Variants in ASCC1 observed in about 807,000 individuals in gnomAD.
ASCC1 encodes the protein ASC-1 complex subunit P50.
Under a neutral mutation model 46.6 loss-of-function variants are expected in ASCC1, and 35 were observed. The ratio of observed to expected loss-of-function variants is 0.75; its 90% CI spans 0.57 to 0.99. ASCC1 has a LOEUF of 0.99. ASCC1 is among the 50% of genes least tolerant of loss of function. The probability of loss-of-function intolerance (pLI) is 0.00; values close to 1 mark genes in which losing one functional copy is unlikely to be tolerated. For synonymous variants in ASCC1, 143 were observed against 146.6 expected, an observed-to-expected ratio of 0.98 and a Z score of 0.18; for missense variants, 376 against 428.7, an observed-to-expected ratio of 0.88 and a Z score of 1.09.
intron 9 of ASCC1, among the ~76,000 whole-genome samples, chr10:72,122,158 C>A (rs190192932): frequency 5.3e-5 from 8 of 152,260 alleles, no homozygotes; most frequent in African/African-American, 1.7e-4. Flanking sequence ...CAGCGGCTCA[C>A]GCCTGTAATC....
At chr10:72,179,556 C>T (rs942846429) in intron 5 of ASCC1, among the ~76,000 whole-genome samples, 1 of 152,188 alleles carries the variant, frequency 6.6e-6, no homozygotes, top group Non-Finnish European at 1.5e-5. Flanking sequence ...CTAGATCCTA[C>T]GCAACTTCGT....
chr10:72,141,313 T>C (rs570618778), intron 7 of ASCC1, among the ~76,000 whole-genome samples: 2 of 152,282 alleles, frequency 1.3e-5, no homozygotes, highest in South Asian at 2.1e-4. Context: ...CAGTGAATAC[T>C]TTCCCAAGAT....
intron 5 of ASCC1, chr10:72,190,528 G>C (rs1348984394): frequency 3.2e-6 from 5 of 1,560,542 alleles, no homozygotes; most frequent in Non-Finnish European, 4.4e-6. Flanking sequence ...GTTCTCGCAG[G>C]GCAGCTTGGA....
At chr10:72,179,502 C>T (rs1025931532) in intron 5 of ASCC1, among the ~76,000 whole-genome samples, 4 of 152,104 alleles carry the variant, frequency 2.6e-5, no homozygotes, top group Non-Finnish European at 4.4e-5. Flanking sequence ...CCTCAGTGAC[C>T]CCTAGGACTG....
intron 5 of ASCC1, among the ~76,000 whole-genome samples, chr10:72,182,801 C>A (rs1253253524): frequency 1.5e-5 from 2 of 130,602 alleles, no homozygotes; most frequent in African/African-American, 3.1e-5. Flanking sequence ...CATAGCAACA[C>A]CCTGTCTCTA....
Position 72,133,192 on chromosome 10 carries a change from T to C in ASCC1, c.747-11A>G. 1 of 1,613,874 alleles carries C rather than the reference T, an allele frequency of 6.2e-7. No homozygotes were observed. Among genetic ancestry groups the C allele is most frequent in the Non-Finnish European group, 8.5e-7 (1 of 1,179,820 alleles). ...ACTAATTCTTGTAGCCTGGAGAAATTGGAGAAAAGTAATGCAGAAATCTTA... is the reference window on the plus strand; with the variant it reads ...ACTAATTCTTGTAGCCTGGAGAAATCGGAGAAAAGTAATGCAGAAATCTTA... On this transcript the variant is annotated splice_polypyrimidine_tract_variant and intron_variant, in intron 7 of 9. Coordinates refer to ENST00000672957, the MANE Select transcript of ASCC1 (RefSeq NM_001198800.3).
At position 72,096,034 on chromosome 10, in the gene ASCC1, C is replaced by A. The variant is rs761578202; in HGVS notation, c.*1300G>T. On this transcript the variant is annotated 3_prime_UTR_variant, in exon 10 of 10. Transcript: ENST00000672957. The stretch of plus-strand genomic sequence containing the variant: ...CTATGTGATCATACTAACAGAAACA[C>A]CGTTAAACATTTTATTCACAAGTGA... 2.3e-6 allele frequency: 1 copy of A among 434,722 alleles called. No individual in the cohort carries two copies. The highest frequency in any genetic ancestry group is 4.6e-6 in the Non-Finnish European group (1 of 215,236). 26.9% of individuals were successfully genotyped at this position (434,722 alleles called of 1,614,324 possible). A position where few individuals can be genotyped will look rare whatever the true frequency, so the allele number is the denominator to read the frequency against.
chr10:72,154,699 C>T lies in ASCC1; in HGVS notation c.627-1711G>A, dbSNP rs557544748. Among the ~76,000 whole-genome samples the T allele has an allele frequency of 1.2e-4, 18 of 152,128 alleles. No individual in the cohort carries two copies. In the South Asian group the frequency reaches 3.7e-3, roughly 32 times the overall value. ...TAGAGACTAGGTTTTGCCATGTTGC[C>T]CAGGCTGGTCTTGAACTCCTGGGCT... On this transcript the variant is annotated intron_variant, in intron 6 of 9. Coordinates refer to ENST00000672957, the MANE Select transcript of ASCC1 (RefSeq NM_001198800.3).
chr10:72,211,383 T>C (rs1463121678), intron 2 of ASCC1, among the ~76,000 whole-genome samples: 1 of 152,020 alleles, frequency 6.6e-6, no homozygotes, highest in Non-Finnish European at 1.5e-5. Flanking sequence ...ATTGAAAATA[T>C]TTGAAAAAAA....
At chr10:72,175,176 A>C (rs1465357973) in intron 5 of ASCC1, among the ~76,000 whole-genome samples, 1 of 152,250 alleles carries the variant, frequency 6.6e-6, no homozygotes, top group Admixed American at 6.5e-5. Context: ...ACCTATCAGC[A>C]GCATGACCCT....
rs142587328 is a variant in ASCC1 at position 72,180,581 on chromosome 10, G to A, written c.489+16230C>T. 1.0e-3 allele frequency among the ~76,000 whole-genome samples: 155 copies of A among 152,158 alleles called. 3 individuals are homozygous for A. Among genetic ancestry groups the A allele is most frequent in the African/African-American group, 3.1e-3 (129 of 41,500 alleles). On this transcript the variant is annotated intron_variant, in intron 5 of 9. Coordinates refer to ENST00000672957, the MANE Select transcript of ASCC1 (RefSeq NM_001198800.3). The stretch of plus-strand genomic sequence containing the variant: ...GCGGAGGTTGCAGTGAGCCAAGATC[G>A]CACCACTGCATTCCAGCCTGAGCAA...
Position 72,181,572 on chromosome 10 carries a change from C to CT in ASCC1, c.489+15238dup, listed in dbSNP as rs993534457. 8.0e-5 allele frequency among the ~76,000 whole-genome samples: 12 copies of CT among 149,086 alleles called. No individual in the cohort carries two copies. The East Asian group carries it at 1.6e-3, about 20-fold the overall frequency. On this transcript the variant is annotated intron_variant, in intron 5 of 9. Coordinates refer to ENST00000672957, the MANE Select transcript of ASCC1 (RefSeq NM_001198800.3). ...CAATAAAGGAATATTTAATTTTTTT[C>CT]TTTTTTTTTCATGAACCATACATGA...
intron 9 of ASCC1, among the ~76,000 whole-genome samples, chr10:72,105,419 A>G (rs1368693201): frequency 6.6e-6 from 1 of 152,224 alleles, no homozygotes; most frequent in African/African-American, 2.4e-5. Flanking sequence ...TCCCTCCCAC[A>G]AGGGGTTGAG....
chr10:72,133,091 T>C lies in ASCC1; in HGVS notation c.837A>G (p.Thr279=), dbSNP rs1352903954. ...CTTTCCTGAATAGTGTATTCATAAC[T>C]GTAGCATGCAGTTTCACACTATTCC... is the stretch of plus-strand genomic sequence containing the variant. The part of the protein sequence containing the change: ...KEWNSVKLHA[T]VMNTLFRKDP... The change falls in exon 8 of 10, where the codon ACA becomes ACG. Residue 279 remains threonine (T), a synonymous_variant. Transcript: ENST00000672957. The C allele has an allele frequency of 1.2e-6, 2 of 1,614,082 alleles. No individual in the cohort carries two copies. The highest frequency in any genetic ancestry group is 1.3e-5 in the African/African-American group (1 of 74,938).
At chr10:72,141,756 C>T (rs77170183) in intron 7 of ASCC1, among the ~76,000 whole-genome samples, 11 of 152,130 alleles carry the variant, frequency 7.2e-5, no homozygotes, top group Admixed American at 4.6e-4. Context: ...GTTTCCCTTA[C>T]GGTATCTGAT....
At position 72,196,805 on chromosome 10, in the gene ASCC1, A is replaced by AAACAAAG. The variant is rs1320454588; in HGVS notation, c.489+5_489+6insCTTTGTT. The AAACAAAG allele has an allele frequency of 6.2e-7, 1 of 1,611,962 alleles. No individual in the cohort carries two copies. The highest frequency in any genetic ancestry group is 2.2e-5 in the East Asian group (1 of 44,882). On this transcript the variant is annotated splice_donor_region_variant and intron_variant, in intron 5 of 9. Coordinates refer to ENST00000672957, the MANE Select transcript of ASCC1 (RefSeq NM_001198800.3). Reference sequence around the variant, plus strand: ...TTTTTAACCTTCTTGCTTTGTTTGCACTTACCATGGAGCACTTCGCCAGTA... The same window carrying AAACAAAG: ...TTTTTAACCTTCTTGCTTTGTTTGCAAACAAAGCTTACCATGGAGCACTTCGCCAGTA...
At chr10:72,112,653 G>A (rs566695118) in intron 9 of ASCC1, among the ~76,000 whole-genome samples, 8 of 152,116 alleles carry the variant, frequency 5.3e-5, no homozygotes, top group South Asian at 2.1e-4. Context: ...AGGCCCAGGT[G>A]GGTGGATCAC....
intron 6 of ASCC1, 45 bp from the exon 7 acceptor site, chr10:72,153,033 A>T: frequency 6.2e-7 from 1 of 1,612,696 alleles, no homozygotes; most frequent in Non-Finnish European, 8.5e-7. Context: ...GTTTAAGCTA[A>T]GAGGGCTATT....
intron 9 of ASCC1, among the ~76,000 whole-genome samples, chr10:72,122,252 C>T (rs1844294195): frequency 6.6e-6 from 1 of 152,010 alleles, no homozygotes; most frequent in African/African-American, 2.4e-5. Flanking sequence ...AACCCCATCT[C>T]TACTGAAAAT....
Sources: allele counts gnomAD v4.1 joint callset (sites outside exome capture counted in the v4.1 genomes callset), GRCh38; gene constraint gnomAD v4.1.1; transcripts MANE v1.5; gene names NCBI Gene and HGNC (gene_info 2026-07-23, HGNC 2026-07-21).